The following CARD19 variants were observed in gnomAD, a reference collection of about 807,000 sequenced individuals.
CARD19 encodes the protein caspase recruitment domain-containing protein 19.
CARD19 carries 25 observed loss-of-function variants against 24.1 expected under a neutral mutation model. The observed-to-expected ratio is 1.04, with a 90% CI of 0.76 to 1.45. CARD19 has a LOEUF of 1.45. CARD19 is among the 40% of genes most tolerant of loss of function. The pLI, the probability that CARD19 is intolerant of heterozygous loss-of-function variation, is 0.00. For synonymous variants in CARD19, 103 were observed against 104.9 expected, an observed-to-expected ratio of 0.98 and a Z score of 0.11; for missense variants, 241 against 247.4, an observed-to-expected ratio of 0.97 and a Z score of 0.17.
chr9:93,112,917 C>A, intron 5 of CARD19, 75 bp from the exon 6 acceptor site: 1 of 1,041,876 alleles, frequency 9.6e-7, no homozygotes, highest in Non-Finnish European at 1.4e-6. Context: ...CACCCACCCC[C>A]GCAGGAGGGA....
intron 2 of CARD19, among the ~76,000 whole-genome samples, chr9:93,109,633 T>G (rs1041446118): frequency 2.0e-5 from 3 of 151,842 alleles, no homozygotes; most frequent in African/African-American, 7.3e-5. Context: ...CCCAGTCAAT[T>G]TTTTGTACTT....
rs767956641 is a variant in CARD19, at chr9:93,110,546, T to TG, written c.151-20dup. The TG allele has an allele frequency of 2.0e-5, 32 of 1,570,394 alleles. No homozygotes were observed. In the East Asian group the frequency reaches 7.2e-4, roughly 35 times the overall value. ...CCAGCCCCCCTGGCCTGATCTTCCC[T>TG]GGCACCCCCTTGTACCCTCAGTTCC... On this transcript the variant is annotated intron_variant, in intron 2 of 5. Transcript: ENST00000375464.
chr9:93,109,691 C>T (rs1827388828), intron 2 of CARD19, among the ~76,000 whole-genome samples: 2 of 152,078 alleles, frequency 1.3e-5, no homozygotes, highest in South Asian at 4.1e-4. Context: ...GTGTCAAACT[C>T]CTGACCTGGA....
chr9:93,106,086 G>A (rs960606632), intron 1 of CARD19, among the ~76,000 whole-genome samples: 10 of 151,814 alleles, frequency 6.6e-5, no homozygotes, highest in Non-Finnish European at 4.4e-5. Context: ...TCTTCTAATC[G>A]TTTTTGACTT....
intron 2 of CARD19, among the ~76,000 whole-genome samples, chr9:93,108,812 C>T (rs1226990932): frequency 1.3e-5 from 2 of 152,252 alleles, no homozygotes; most frequent in African/African-American, 4.8e-5. Flanking sequence ...GGTGGCTCTG[C>T]TGGAGATGGC....
At chr9:93,112,680 A>G (rs1827547682) in intron 5 of CARD19, among the ~76,000 whole-genome samples, 1 of 152,112 alleles carries the variant, frequency 6.6e-6, no homozygotes. Context: ...GGGCCCCTCT[A>G]CTGGCACCCA....
At chr9:93,097,802 C>T (rs1826935995) in intron 1 of CARD19, among the ~76,000 whole-genome samples, 1 of 152,196 alleles carries the variant, frequency 6.6e-6, no homozygotes, top group Non-Finnish European at 1.5e-5. Flanking sequence ...GGCAGGGGTC[C>T]CTGAAGGCTC....
chr9:93,109,631 AT>A (rs1009911393), intron 2 of CARD19, among the ~76,000 whole-genome samples: 3 of 151,768 alleles, frequency 2.0e-5, no homozygotes, highest in African/African-American at 7.3e-5. Flanking sequence ...TGCCCAGTCA[AT>A]TTTTTGTACT....
Position 93,113,047 on chromosome 9 carries a change from C to A in CARD19, c.492C>A (p.Ile164=), listed in dbSNP as rs372337380. 3.1e-6 allele frequency: 5 copies of A among 1,607,678 alleles called. No individual in the cohort carries two copies. The highest frequency in any genetic ancestry group is 2.7e-5 in the African/African-American group (2 of 74,848). Residue 164 remains isoleucine (I), a synonymous_variant, in exon 6 of 6, where the codon ATC becomes ATA. Transcript: ENST00000375464. ...TCCTCGGTTTCTCGCCTGTCATCAT[C>A]GACAGACATGTCAGCCGCTACCTGC... ...RRVLGFSPVI[I]DRHVSRYLLA... is the part of the protein sequence containing the mutation.
chr9:93,108,942 C>T (rs1472398291), intron 2 of CARD19: 1 of 152,262 alleles, frequency 6.6e-6, no homozygotes, highest in Non-Finnish European at 1.5e-5. Flanking sequence ...CCGACCCTAC[C>T]CACATCTGTG....
At chr9:93,106,420 A>AAATAAAAT (rs757083313) in intron 1 of CARD19, among the ~76,000 whole-genome samples, 4,698 of 148,586 alleles carry the variant, frequency 0.032, 147 homozygotes, top group Middle Eastern at 0.058. Context: ...CTACTAAAAA[A>AAATAAAAT]AAAAAAAAAA....
chr9:93,109,623 C>G (rs1241303098), intron 2 of CARD19, among the ~76,000 whole-genome samples: 2 of 152,008 alleles, frequency 1.3e-5, no homozygotes. Context: ...CACCATCATG[C>G]CCAGTCAATT....
rs1048200521 is a variant in CARD19 at position 93,112,868 on chromosome 9, C to G, written c.437-124C>G. ...TTGTCTTTTCAACTCAAGCCGAGAC[C>G]ATGACCGGGAGGGAGCACCCTGTCC... On this transcript the variant is annotated intron_variant, in intron 5 of 5. Coordinates refer to ENST00000375464, the MANE Select transcript of CARD19 (RefSeq NM_032310.5). 4 of 628,666 alleles carry G rather than the reference C, an allele frequency of 6.4e-6. 1 individual carries two copies. The highest frequency in any genetic ancestry group is 5.9e-5 in the Admixed American group (2 of 34,044). The allele number at this position is 628,666 out of a possible 1,614,324, so 38.9% of individuals were successfully genotyped here. A position where few individuals can be genotyped will look rare whatever the true frequency, so the allele number is the denominator to read the frequency against.
At chr9:93,110,298 C>T in intron 2 of CARD19, 1 of 482,032 alleles carries the variant, frequency 2.1e-6, no homozygotes. Context: ...CCTTGCCAGC[C>T]CCATGCTTTC....
chr9:93,111,969 C>T (rs1431990564), intron 4 of CARD19, 31 bp downstream of exon 4: 4 of 1,585,956 alleles, frequency 2.5e-6, no homozygotes, highest in Non-Finnish European at 3.4e-6. Flanking sequence ...CTCCCTCTCT[C>T]TCCCTCTCTC....
chr9:93,112,909 C>T, intron 5 of CARD19, 83 bp from the exon 6 acceptor site: 1 of 936,672 alleles, frequency 1.1e-6, no homozygotes, highest in Non-Finnish European at 1.6e-6. Flanking sequence ...CCTGTTCCCA[C>T]CCACCCCCGC....
intron 2 of CARD19, 49 bp from the exon 3 acceptor site, chr9:93,110,519 A>G: frequency 6.5e-7 from 1 of 1,547,524 alleles, no homozygotes; most frequent in Non-Finnish European, 8.8e-7. Context: ...CCTGACCCAC[A>G]GCCAGCCCCC....
intron 4 of CARD19, 42 bp downstream of exon 4, chr9:93,111,980 T>C (rs1031229023): frequency 6.3e-7 from 1 of 1,587,288 alleles, no homozygotes; most frequent in Non-Finnish European, 8.6e-7. Context: ...TCCCTCTCTC[T>C]CCCTCTCTCT....
intron 3 of CARD19, 158 bp from the exon 4 acceptor site, chr9:93,111,719 CTG>C: frequency 6.9e-7 from 1 of 1,454,238 alleles, no homozygotes; most frequent in South Asian, 1.4e-5. Flanking sequence ...AAGACCCAGA[CTG>C]TGCATAGTTC....
Sources: allele counts gnomAD v4.1 joint callset (sites outside exome capture counted in the v4.1 genomes callset), GRCh38; gene constraint gnomAD v4.1.1; transcripts MANE v1.5; gene names NCBI Gene and HGNC (gene_info 2026-07-23, HGNC 2026-07-21).